Variants in ADAMTS6 observed in about 807,000 individuals in gnomAD.
ADAMTS6 encodes ADAM metallopeptidase with thrombospondin type 1 motif 6, also known as A disintegrin and metalloproteinase with thrombospondin motifs 6.
A neutral mutation model predicts 144.3 loss-of-function variants in ADAMTS6; 23 were observed. The observed-to-expected ratio is 0.16, with a 90% CI of 0.11 to 0.23. The LOEUF is 0.23. Ranked by LOEUF, ADAMTS6 falls within the 10% of genes least tolerant of loss-of-function variation. The pLI is 1.00. For synonymous variants in ADAMTS6, 444 were observed against 457.5 expected (o/e 0.97, Z 0.38); for missense variants, 999 against 1,379.6 (o/e 0.72, Z 4.37).
intron 15 of ADAMTS6, among the ~76,000 whole-genome samples, chr5:65,227,490 A>T (rs1757815623): frequency 6.6e-6 from 1 of 152,202 alleles, no homozygotes; most frequent in Admixed American, 6.5e-5. Flanking sequence ...CACTTTGACC[A>T]TATCTAATTA....
At chr5:65,247,303 T>C (rs1045284523) in intron 14 of ADAMTS6, among the ~76,000 whole-genome samples, 45 of 152,340 alleles carry the variant, frequency 3.0e-4, no homozygotes, top group African/African-American at 1.1e-3. Context: ...TGTTTAGAAG[T>C]ATCTCCTTCT....
At chr5:65,416,001 G>T in intron 7 of ADAMTS6, 2 of 190,170 alleles carry the variant, frequency 1.1e-5, no homozygotes, top group South Asian at 2.0e-4. Flanking sequence ...TGGTATCGAT[G>T]ACTGCTACAC....
intron 7 of ADAMTS6, among the ~76,000 whole-genome samples, chr5:65,336,049 G>A (rs1747273960): frequency 1.3e-5 from 2 of 152,090 alleles, no homozygotes; most frequent in African/African-American, 4.8e-5. Context: ...ATTTCAGAGA[G>A]GCTGAAACAT....
At chr5:65,239,535 A>G (rs571630425) in intron 15 of ADAMTS6, among the ~76,000 whole-genome samples, 1 of 152,252 alleles carries the variant, frequency 6.6e-6, no homozygotes, top group East Asian at 1.9e-4. Context: ...ATGACCAGAA[A>G]GAAAAATTAT....
At chr5:65,318,379 G>A (rs1688378355) in intron 9 of ADAMTS6, among the ~76,000 whole-genome samples, 1 of 152,086 alleles carries the variant, frequency 6.6e-6, no homozygotes, top group South Asian at 2.1e-4. Context: ...CCTCTGCTAG[G>A]TATATACCCA....
intron 7 of ADAMTS6, among the ~76,000 whole-genome samples, chr5:65,390,980 A>T: frequency 6.9e-6 from 1 of 145,906 alleles, no homozygotes; most frequent in Non-Finnish European, 1.5e-5. Flanking sequence ...AAAGGTTCTC[A>T]CTTTGTCACC....
chr5:65,237,435 A>AAAATAAAATG lies in ADAMTS6; in HGVS notation c.1933+4668_1933+4669insCATTTTATTT, dbSNP rs1369446036. ...ACTCCACAAGAAAATAAAATAAAAT[A>AAAATAAAATG]AAACAACCATATAGCCCTTTTCTCT... On this transcript the variant is annotated intron_variant, in intron 15 of 24. Coordinates refer to ENST00000381055, the MANE Select transcript of ADAMTS6 (RefSeq NM_197941.4). Among the ~76,000 whole-genome samples, 178 of 150,016 alleles carry AAAATAAAATG rather than the reference A, an allele frequency of 1.2e-3. 2 individuals carry two copies. The highest frequency in any genetic ancestry group is 2.1e-3 in the Non-Finnish European group (143 of 67,526).
chr5:65,228,516 A>G (rs1757894455), intron 15 of ADAMTS6, among the ~76,000 whole-genome samples: 1 of 152,134 alleles, frequency 6.6e-6, no homozygotes, highest in Non-Finnish European at 1.5e-5. Context: ...AGAAGGATCA[A>G]TTTTGACAGC....
intron 7 of ADAMTS6, among the ~76,000 whole-genome samples, chr5:65,375,588 A>C (rs180933346): frequency 6.6e-6 from 1 of 152,074 alleles, no homozygotes; most frequent in African/African-American, 2.4e-5. Flanking sequence ...TTAGAATGGC[A>C]ATCATTAAAA....
chr5:65,271,073 A>T (rs1762011886), intron 12 of ADAMTS6, among the ~76,000 whole-genome samples: 1 of 152,108 alleles, frequency 6.6e-6, no homozygotes, highest in Admixed American at 6.6e-5. Flanking sequence ...CTTGTCTGTG[A>T]TCATTCTTAT....
intron 11 of ADAMTS6, among the ~76,000 whole-genome samples, chr5:65,287,319 G>C (rs1741777102): frequency 2.0e-5 from 3 of 152,084 alleles, no homozygotes; most frequent in Admixed American, 2.0e-4. Context: ...TTTAGTAACA[G>C]ACATTACCTG....
intron 3 of ADAMTS6, among the ~76,000 whole-genome samples, chr5:65,470,281 A>C (rs1289617519): frequency 2.0e-5 from 3 of 152,164 alleles, no homozygotes; most frequent in Non-Finnish European, 4.4e-5. Flanking sequence ...AAATGTATAA[A>C]AAATTATCTC....
chr5:65,302,108 AT>A (rs369807186), intron 9 of ADAMTS6, among the ~76,000 whole-genome samples: 1,734 of 27,870 alleles, frequency 0.062, 91 homozygotes, highest in Admixed American at 0.19. Context: ...AAAAAAAAAA[AT>A]ATATATATAT....
At position 65,214,566 on chromosome 5, in the gene ADAMTS6, C is replaced by T. The variant is rs1320452962; in HGVS notation, c.2575+228G>A. 4 of 607,648 alleles carry T rather than the reference C, an allele frequency of 6.6e-6. No homozygotes were observed. The highest frequency in any genetic ancestry group is 8.6e-6 in the Non-Finnish European group (3 of 347,978). The allele number at this position is 607,648 out of a possible 1,614,324, so 37.6% of individuals were successfully genotyped here. On this transcript the variant is annotated intron_variant, in intron 20 of 24. Coordinates refer to ENST00000381055, the MANE Select transcript of ADAMTS6 (RefSeq NM_197941.4). This position sits in a 1 kb window ranked among gnomAD's most constrained non-coding sequence, Gnocchi z 4.6. ...TGGGAGAAGCACCAGCAGAGACACTCATTGTGCCAAGATGTATTTTACCAA... is the reference window on the plus strand; with the variant it reads ...TGGGAGAAGCACCAGCAGAGACACTTATTGTGCCAAGATGTATTTTACCAA...
chr5:65,468,089 G>A (rs1760163070), intron 3 of ADAMTS6, among the ~76,000 whole-genome samples: 1 of 151,964 alleles, frequency 6.6e-6, no homozygotes, highest in Admixed American at 6.5e-5. Context: ...AGAAACCATG[G>A]TCCAAATACA....
At chr5:65,420,445 A>G (rs1217839494) in intron 7 of ADAMTS6, among the ~76,000 whole-genome samples, 1 of 152,078 alleles carries the variant, frequency 6.6e-6, no homozygotes, top group Non-Finnish European at 1.5e-5. Context: ...ACAATAGCAC[A>G]ATCTCAGCTC....
intron 7 of ADAMTS6, among the ~76,000 whole-genome samples, chr5:65,344,784 G>A (rs982243559): frequency 2.6e-5 from 4 of 151,470 alleles, no homozygotes; most frequent in Non-Finnish European, 5.9e-5. Flanking sequence ...TCTTATTTTC[G>A]TTTCCCAAAC....
At chr5:65,225,120 A>G (rs1206971318) in intron 16 of ADAMTS6, 73 bp from the exon 17 acceptor site, 10 of 1,403,562 alleles carry the variant, frequency 7.1e-6, no homozygotes, top group Non-Finnish European at 9.5e-6. Context: ...AATACATATA[A>G]CTTATTTATT....
intron 9 of ADAMTS6, among the ~76,000 whole-genome samples, chr5:65,317,527 G>A (rs1745127702): frequency 6.6e-6 from 1 of 152,118 alleles, no homozygotes; most frequent in South Asian, 2.1e-4. Flanking sequence ...TATCCCACAA[G>A]CTAGGCAACC....
Sources: gnomAD v4.1 joint callset for allele counts (sites outside exome capture counted in the v4.1 genomes callset) on GRCh38, gnomAD v4.1.1 for gene constraint, Gnocchi (gnomAD v3.1) non-coding constraint, MANE v1.5 for transcripts, NCBI Gene and HGNC (gene_info 2026-07-23, HGNC 2026-07-21) for gene names.